Variants in KIAA1217 observed in about 807,000 individuals in gnomAD.
KIAA1217 encodes the protein KIAA1217, also known as sickle tail protein homolog.
A neutral mutation model predicts 163.9 loss-of-function variants in KIAA1217; 88 were observed. That is an observed-to-expected ratio of 0.54 (90% confidence interval 0.45 to 0.64). The LOEUF is 0.64. Among genes scored for constraint, KIAA1217 ranks in the 30% least tolerant of loss-of-function variants. The probability of loss-of-function intolerance (pLI) is 0.00; values close to 1 mark genes in which losing one functional copy is unlikely to be tolerated. For synonymous variants in KIAA1217, 903 were observed against 923.1 expected (o/e 0.98, Z 0.39); for missense variants, 2,372 against 2,475.0 (o/e 0.96, Z 0.88).
chr10:23,953,661 G>A (rs910528086), intron 1 of KIAA1217, among the ~76,000 whole-genome samples: 3 of 152,202 alleles, frequency 2.0e-5, no homozygotes, highest in Non-Finnish European at 4.4e-5. Flanking sequence ...TAAAATAAAA[G>A]TAATAGTAGT....
intron 5 of KIAA1217, among the ~76,000 whole-genome samples, chr10:24,440,427 A>G (rs1431238945): frequency 6.6e-6 from 1 of 152,110 alleles, no homozygotes; most frequent in Non-Finnish European, 1.5e-5. Context: ...TTCTGTTCCT[A>G]TCACATAGAG....
intron 1 of KIAA1217, among the ~76,000 whole-genome samples, chr10:23,951,348 G>A (rs887399483): frequency 7.2e-5 from 11 of 152,152 alleles, no homozygotes; most frequent in African/African-American, 2.7e-4. Flanking sequence ...TTAAAGCTCA[G>A]AAAAGTAAAA....
intron 3 of KIAA1217, among the ~76,000 whole-genome samples, chr10:24,390,319 A>G (rs1054460688): frequency 7.2e-5 from 11 of 152,164 alleles, no homozygotes; most frequent in Non-Finnish European, 1.6e-4. Flanking sequence ...GAGAACATGG[A>G]AGTTCTATAT....
chr10:24,108,159 T>A (rs2062703953), intron 2 of KIAA1217, among the ~76,000 whole-genome samples: 1 of 152,158 alleles, frequency 6.6e-6, no homozygotes, highest in Non-Finnish European at 1.5e-5. Flanking sequence ...ATATACTAGG[T>A]GTGAGTGACT....
intron 2 of KIAA1217, among the ~76,000 whole-genome samples, chr10:24,297,393 C>A (rs1397041133): frequency 1.3e-5 from 2 of 152,140 alleles, no homozygotes; most frequent in African/African-American, 4.8e-5. Flanking sequence ...CAGCACATGC[C>A]CCTTGATGGA....
intron 2 of KIAA1217, among the ~76,000 whole-genome samples, chr10:24,223,339 A>G (rs2069934835): frequency 6.6e-6 from 1 of 152,146 alleles, no homozygotes; most frequent in African/African-American, 2.4e-5. Context: ...ATGGCCTATG[A>G]AATTGCTGCA....
At chr10:24,159,501 TG>T (rs2065020707) in intron 2 of KIAA1217, among the ~76,000 whole-genome samples, 1 of 152,066 alleles carries the variant, frequency 6.6e-6, no homozygotes, top group Non-Finnish European at 1.5e-5. Flanking sequence ...TTTTGAAGGC[TG>T]GGGGTGGTGA....
At chr10:24,525,187 A>C (rs2071938781) in intron 13 of KIAA1217, among the ~76,000 whole-genome samples, 1 of 152,184 alleles carries the variant, frequency 6.6e-6, no homozygotes, top group Non-Finnish European at 1.5e-5. Context: ...ACATGACACC[A>C]CTACTGCTGA....
rs548859777 is a variant in KIAA1217 at position 24,127,018 on chromosome 10, C to A, written c.-170-92608C>A. ...TCCAATAAAACACTTGAAAAAATGT[C>A]TTTTTGTCAGTTATTTCTAAGTGGT... On this transcript the variant is annotated intron_variant, in intron 2 of 18. Coordinates refer to the KIAA1217 transcript ENST00000376462. 2.6e-5 allele frequency among the ~76,000 whole-genome samples: 4 copies of A among 152,152 alleles called. No individual in the cohort carries two copies. The South Asian group carries it at 8.3e-4, about 32-fold the overall frequency.
intron 1 of KIAA1217, among the ~76,000 whole-genome samples, chr10:23,816,321 T>A (rs183183810): frequency 2.0e-5 from 3 of 152,210 alleles, no homozygotes; most frequent in Admixed American, 1.3e-4. Flanking sequence ...TGAGGCGGAA[T>A]CTCCTCTGTT....
chr10:24,248,230 AC>A (rs1344081324), intron 2 of KIAA1217, among the ~76,000 whole-genome samples: 1 of 152,210 alleles, frequency 6.6e-6, no homozygotes, highest in African/African-American at 2.4e-5. Context: ...ATCTTTCTAA[AC>A]AAATGCTGTT....
chr10:23,864,604 C>T (rs561850144), intron 1 of KIAA1217, among the ~76,000 whole-genome samples: 13 of 151,210 alleles, frequency 8.6e-5, no homozygotes, highest in Admixed American at 6.6e-4. Flanking sequence ...GAATTTTTCC[C>T]GTATTTGTAC....
In KIAA1217 at chr10:23,992,663, A is replaced by G. The variant is rs984769607; in HGVS notation, c.-320-14562A>G. ...GATGGGATAAGAAGGAACGCATCCC[A>G]GCCAAAGGTCTAGAAGGAAGCTTCA... On this transcript the variant is annotated intron_variant, in intron 1 of 18. Transcript: ENST00000376462. Among the ~76,000 whole-genome samples, 8 of 145,408 alleles carry G rather than the reference A, an allele frequency of 5.5e-5. No individual in the cohort carries two copies. The East Asian group carries it at 1.6e-3, about 29-fold the overall frequency.
chr10:24,479,024 G>A (rs981282611), intron 6 of KIAA1217, among the ~76,000 whole-genome samples: 2 of 152,122 alleles, frequency 1.3e-5, no homozygotes, highest in African/African-American at 2.4e-5. Flanking sequence ...AGCTACATTC[G>A]ACAAATTAGC....
At chr10:23,774,216 T>C (rs768239563) in intron 1 of KIAA1217, among the ~76,000 whole-genome samples, 7 of 152,212 alleles carry the variant, frequency 4.6e-5, no homozygotes, top group Non-Finnish European at 7.3e-5. Flanking sequence ...ACAATAAAGA[T>C]GTGTCTCACT....
At chr10:24,417,540 G>A (rs1409143445) in intron 3 of KIAA1217, among the ~76,000 whole-genome samples, 1 of 152,168 alleles carries the variant, frequency 6.6e-6, no homozygotes, top group Admixed American at 6.5e-5. Context: ...TGAGCTGCTA[G>A]AAAGGGGGTG....
intron 1 of KIAA1217, among the ~76,000 whole-genome samples, chr10:23,755,430 C>T (rs1488517370): frequency 1.3e-5 from 2 of 152,204 alleles, no homozygotes; most frequent in African/African-American, 2.4e-5. Flanking sequence ...CCTCTGTCAT[C>T]TTCAGTGATC....
At chr10:24,521,523 GTAA>G (rs911040861) in intron 11 of KIAA1217, among the ~76,000 whole-genome samples, 11 of 152,044 alleles carry the variant, frequency 7.2e-5, no homozygotes, top group African/African-American at 1.9e-4. Context: ...AAATTAAAAA[GTAA>G]TAATAATAAC....
intron 1 of KIAA1217, among the ~76,000 whole-genome samples, chr10:23,916,327 G>T (rs1231606808): frequency 2.0e-5 from 3 of 152,106 alleles, no homozygotes; most frequent in Admixed American, 6.5e-5. Flanking sequence ...GCACTCTATT[G>T]TTCATGCTTT....
Sources: gnomAD v4.1 joint callset for allele counts (sites outside exome capture counted in the v4.1 genomes callset) on GRCh38, gnomAD v4.1.1 for gene constraint, MANE v1.5 for transcripts, NCBI Gene and HGNC (gene_info 2026-07-23, HGNC 2026-07-21) for gene names.